PRELID2: variants seen among roughly 807,000 people sequenced by gnomAD.
The protein encoded by PRELID2 is PRELI domain-containing protein 2.
Under a neutral mutation model 28.4 loss-of-function variants are expected in PRELID2, and 25 were observed. The ratio of observed to expected loss-of-function variants is 0.88; its 90% CI spans 0.64 to 1.23. The LOEUF (loss-of-function observed/expected upper bound fraction) is 1.23. Ranked by LOEUF, PRELID2 falls within the 50% of genes most tolerant of loss-of-function variation. The pLI is 0.00. For synonymous variants in PRELID2, 76 were observed against 71.6 expected (o/e 1.06, Z -0.31); for missense variants, 201 against 214.4 (o/e 0.94, Z 0.39).
the PRELID2 span, among the ~76,000 whole-genome samples, chr5:145,453,933 A>G: frequency 2.6e-4 from 39 of 152,138 alleles, no homozygotes; most frequent in Non-Finnish European, 5.4e-4. Flanking sequence ...ATACGTGTGC[A>G]TATGTCTTTA....
intron 1 of PRELID2, among the ~76,000 whole-genome samples, chr5:145,630,307 C>CACTGGGTGACTATGGGAGAGGA (rs538166883): frequency 0.015 from 2,294 of 152,104 alleles, 58 homozygotes; most frequent in African/African-American, 0.052. Flanking sequence ...GAAGAAACAG[C>CACTGGGTGACTATGGGAGAGGA]ACTGGGTGAC....
At chr5:145,763,968 C>T (rs1312778470) in intron 6 of PRELID2, among the ~76,000 whole-genome samples, 1 of 151,980 alleles carries the variant, frequency 6.6e-6, no homozygotes. Flanking sequence ...TCCTGCCTCT[C>T]GGGAGACTGA....
At chr5:145,685,476 G>A (rs1280169266) in intron 1 of PRELID2, among the ~76,000 whole-genome samples, 2 of 152,096 alleles carry the variant, frequency 1.3e-5, no homozygotes, top group South Asian at 2.1e-4. Flanking sequence ...GCCTTCTCTG[G>A]CATAGATAAG....
the PRELID2 span, among the ~76,000 whole-genome samples, chr5:145,266,002 G>T: frequency 1.3e-3 from 202 of 152,248 alleles, 4 homozygotes; most frequent in East Asian, 0.031. Flanking sequence ...CACAACAAAA[G>T]AAATAATCAG....
chr5:145,820,110 T>G (rs1754665106), intron 2 of PRELID2, 92 bp from the exon 3 acceptor site: 3 of 582,854 alleles, frequency 5.1e-6, no homozygotes, highest in Non-Finnish European at 8.4e-6. Flanking sequence ...GGTTTTTTTG[T>G]TTTTTGTTTT....
At chr5:145,397,680 G>T in the PRELID2 span, among the ~76,000 whole-genome samples, 1 of 152,160 alleles carries the variant, frequency 6.6e-6, no homozygotes, top group African/African-American at 2.4e-5. Flanking sequence ...GAGACAAGAA[G>T]ACACCCACCT....
intron 1 of PRELID2, 57 bp downstream of exon 1, chr5:145,835,120 G>A: frequency 8.1e-7 from 1 of 1,233,084 alleles, no homozygotes; most frequent in Non-Finnish European, 1.2e-6. Context: ...AAGGAGAGGA[G>A]AGAGGGGCAA....
the PRELID2 span, among the ~76,000 whole-genome samples, chr5:145,238,692 C>T: frequency 2.6e-5 from 4 of 152,112 alleles, no homozygotes; most frequent in East Asian, 7.7e-4. Context: ...ATATTCCCAC[C>T]TTGTGAAAGG....
chr5:145,835,162 G>C lies in PRELID2; in HGVS notation c.75+15C>G. 3 of 1,537,836 alleles carry C rather than the reference G, an allele frequency of 2.0e-6. No homozygotes were observed. Among genetic ancestry groups the C allele is most frequent in the Non-Finnish European group, 2.6e-6 (3 of 1,136,036 alleles). ...GAGGCAGCGCGGGATACGGAAGGTG[G>C]AAGCGGGGCGGTACCTTTCGGAGAA... On this transcript the variant is annotated intron_variant, in intron 1 of 6. Coordinates refer to ENST00000683046, the MANE Select transcript of PRELID2 (RefSeq NM_205846.3).
the PRELID2 span, among the ~76,000 whole-genome samples, chr5:145,284,704 C>T: frequency 6.6e-6 from 1 of 152,068 alleles, no homozygotes; most frequent in African/African-American, 2.4e-5. Flanking sequence ...ACTTTCTGTT[C>T]TTTCTCCTAC....
intron 1 of PRELID2, among the ~76,000 whole-genome samples, chr5:145,487,524 T>C (rs1286402374): frequency 6.6e-6 from 1 of 152,122 alleles, no homozygotes; most frequent in Non-Finnish European, 1.5e-5. Context: ...TAGAAGTATA[T>C]AACTTGAGGA....
chr5:145,284,864 A>G, the PRELID2 span, among the ~76,000 whole-genome samples: 1 of 152,154 alleles, frequency 6.6e-6, no homozygotes, highest in Non-Finnish European at 1.5e-5. Context: ...TTTGAGAATA[A>G]TTCCTTAGAA....
At chr5:145,394,961 T>C in the PRELID2 span, among the ~76,000 whole-genome samples, 192 of 152,176 alleles carry the variant, frequency 1.3e-3, no homozygotes, top group African/African-American at 2.0e-3. Flanking sequence ...TTATTACGTA[T>C]TTTGGGTTTT....
the PRELID2 span, among the ~76,000 whole-genome samples, chr5:145,317,482 T>C: frequency 1.2e-4 from 18 of 152,194 alleles, no homozygotes; most frequent in Admixed American, 1.2e-3. Context: ...CTGTTATCCT[T>C]TGTCTGACAT....
chr5:145,531,299 A>G (rs1016528274), intron 1 of PRELID2, among the ~76,000 whole-genome samples: 10 of 152,154 alleles, frequency 6.6e-5, no homozygotes, highest in South Asian at 4.1e-4. Flanking sequence ...GACACAGACT[A>G]AAAAATCTTG....
At chr5:145,527,636 A>G (rs867428942) in intron 1 of PRELID2, among the ~76,000 whole-genome samples, 1 of 152,182 alleles carries the variant, frequency 6.6e-6, no homozygotes, top group Non-Finnish European at 1.5e-5. Context: ...TTTGCCCTCA[A>G]GGGTAATATT....
chr5:145,582,125 C>T (rs10041019), intron 1 of PRELID2, among the ~76,000 whole-genome samples: 18,470 of 151,912 alleles, frequency 0.12, 3,124 homozygotes, highest in African/African-American at 0.38. Context: ...AAATCTTGGT[C>T]CAGATCCCCA....
the PRELID2 span, among the ~76,000 whole-genome samples, chr5:145,300,561 C>T: frequency 6.6e-6 from 1 of 151,902 alleles, no homozygotes; most frequent in Admixed American, 6.6e-5. Flanking sequence ...GTCCTCAAAA[C>T]ACAAGGAATG....
intron 1 of PRELID2, among the ~76,000 whole-genome samples, chr5:145,538,881 G>T (rs1752722768): frequency 6.6e-6 from 1 of 151,820 alleles, no homozygotes; most frequent in Admixed American, 6.6e-5. Flanking sequence ...TTAAAGGAAA[G>T]ATTTATAAAG....
Sources: gnomAD v4.1 joint callset for allele counts (sites outside exome capture counted in the v4.1 genomes callset) on GRCh38, gnomAD v4.1.1 for gene constraint, MANE v1.5 for transcripts, NCBI Gene and HGNC (gene_info 2026-07-23, HGNC 2026-07-21) for gene names.